Variants in MPPED1 observed in about 807,000 individuals in gnomAD.
MPPED1 encodes metallophosphoesterase domain-containing protein 1.
MPPED1 carries 16 observed loss-of-function variants against 36.2 expected under a neutral mutation model. The observed-to-expected ratio is 0.44, with a 90% CI of 0.30 to 0.67. The LOEUF (loss-of-function observed/expected upper bound fraction) is 0.67. Among genes scored for constraint, MPPED1 ranks in the 30% least tolerant of loss-of-function variants. MPPED1 has a pLI of 0.10. For missense variants in MPPED1, 307 were observed against 453.4 expected, an observed-to-expected ratio of 0.68 and a Z score of 2.93; for synonymous variants, 199 against 191.3, an observed-to-expected ratio of 1.04 and a Z score of -0.33.
chr22:43,460,612 T>A (rs1930924764), intron 3 of MPPED1, among the ~76,000 whole-genome samples: 1 of 152,176 alleles, frequency 6.6e-6, no homozygotes, highest in Non-Finnish European at 1.5e-5. Flanking sequence ...GTGTTTGTAT[T>A]CTCTGTCATG....
Position 43,505,709 on chromosome 22 carries a change from C to G in MPPED1, c.*93C>G. On this transcript the variant is annotated 3_prime_UTR_variant, in exon 7 of 7. Transcript: ENST00000443721. Reference sequence around the variant, plus strand: ...TTCCATGCTGAGTTGCCTGGACGACCCATCTGGCTGCGGGGACTGGCCTAG... The same window carrying G: ...TTCCATGCTGAGTTGCCTGGACGACGCATCTGGCTGCGGGGACTGGCCTAG... The G allele has an allele frequency of 8.5e-7, 1 of 1,171,316 alleles. No individual in the cohort carries two copies. The highest frequency in any genetic ancestry group is 1.5e-5 in the African/African-American group (1 of 66,140). 72.6% of individuals were successfully genotyped at this position (1,171,316 alleles called of 1,614,324 possible). A position where few individuals can be genotyped will look rare whatever the true frequency, so the allele number is the denominator to read the frequency against.
intron 2 of MPPED1, among the ~76,000 whole-genome samples, chr22:43,426,626 C>T (rs997746746): frequency 9.9e-5 from 15 of 152,128 alleles, no homozygotes; most frequent in Admixed American, 2.0e-4. Context: ...TGTGAGGGCG[C>T]GACCTCCCGT....
chr22:43,441,694 G>T (rs1930154577), intron 3 of MPPED1, among the ~76,000 whole-genome samples: 2 of 152,108 alleles, frequency 1.3e-5, no homozygotes, highest in South Asian at 4.1e-4. Context: ...ATATAAAAGG[G>T]GTCCAAGGAT....
chr22:43,445,558 CTTTTTTT>C (rs135055), intron 3 of MPPED1, among the ~76,000 whole-genome samples: 17 of 123,902 alleles, frequency 1.4e-4, no homozygotes, highest in African/African-American at 5.4e-4. Flanking sequence ...CTGATGTTTC[CTTTTTTT>C]TTTTTTTTTT....
chr22:43,419,680 G>A (rs771915644), intron 1 of MPPED1, among the ~76,000 whole-genome samples: 2 of 151,756 alleles, frequency 1.3e-5, no homozygotes, highest in Non-Finnish European at 2.9e-5. Flanking sequence ...CGGGAGGCCG[G>A]TGTGGTGTGA....
At chr22:43,426,680 G>C (rs1219964991) in intron 2 of MPPED1, among the ~76,000 whole-genome samples, 6 of 152,242 alleles carry the variant, frequency 3.9e-5, no homozygotes, top group Non-Finnish European at 7.3e-5. Flanking sequence ...TGTGGGGAGA[G>C]GGAGCTGCAG....
intron 5 of MPPED1, among the ~76,000 whole-genome samples, chr22:43,500,401 T>TGGTG (rs1469962007): frequency 1.3e-4 from 19 of 145,392 alleles, no homozygotes; most frequent in Admixed American, 4.1e-4. Flanking sequence ...ATGGAGGTGG[T>TGGTG]AGTGGTGGTG....
At chr22:43,430,732 C>T (rs1187292354) in intron 2 of MPPED1, among the ~76,000 whole-genome samples, 3 of 151,984 alleles carry the variant, frequency 2.0e-5, no homozygotes, top group Non-Finnish European at 2.9e-5. Flanking sequence ...AACCATTTTG[C>T]ACTTTTTTTT....
In MPPED1 at chr22:43,474,594, C is replaced by G. The variant is rs756284498; in HGVS notation, c.407-142C>G. The G allele has an allele frequency of 6.6e-6, 10 of 1,517,360 alleles. No individual in the cohort carries two copies. In the East Asian group the frequency reaches 1.8e-4, roughly 27 times the overall value. 94.0% of individuals were successfully genotyped at this position (1,517,360 alleles called of 1,614,324 possible). A position where few individuals can be genotyped will look rare whatever the true frequency, so the allele number is the denominator to read the frequency against. On this transcript the variant is annotated intron_variant, in intron 3 of 6. Transcript: ENST00000443721. The surrounding 1 kb of genome is among the most constrained non-coding windows in gnomAD (Gnocchi z 5.2). ...GCAGCCTGCCCTATGAGTACAAGAT[C>G]GTGATCGCGGGCAACCACGAGCTGA...
chr22:43,460,265 C>A (rs1930907960), intron 3 of MPPED1, among the ~76,000 whole-genome samples: 1 of 123,452 alleles, frequency 8.1e-6, no homozygotes, highest in Admixed American at 8.6e-5. Context: ...AAACCCAAAC[C>A]CCCCCCCCCA....
intron 5 of MPPED1, among the ~76,000 whole-genome samples, chr22:43,499,265 G>A (rs1404660311): frequency 6.8e-6 from 1 of 147,448 alleles, no homozygotes; most frequent in Admixed American, 6.8e-5. Context: ...TGGAGGTGGT[G>A]GTGATGGTGA....
At position 43,435,030 on chromosome 22, in the gene MPPED1, G is replaced by T. The variant is rs981893215; in HGVS notation, c.225-4G>T. The T allele has an allele frequency of 6.2e-6, 10 of 1,613,062 alleles. No individual in the cohort carries two copies. The East Asian group carries it at 6.7e-5, about 11-fold the overall frequency. ...CTGATCCGCAGTGTCATCTCTCCCT[G>T]CAGGGTGGACCCGGTGCCTCACGAT... On this transcript the variant is annotated splice_region_variant and splice_polypyrimidine_tract_variant and intron_variant, in intron 2 of 6. Transcript: ENST00000443721.
chr22:43,425,321 G>A, intron 2 of MPPED1, 112 bp downstream of exon 2: 3 of 1,434,974 alleles, frequency 2.1e-6, no homozygotes, highest in Non-Finnish European at 2.8e-6. Context: ...TTGAATGTTT[G>A]TTGACTGCAA....
At chr22:43,425,309 C>T in intron 2 of MPPED1, 100 bp downstream of exon 2, 1 of 1,444,986 alleles carries the variant, frequency 6.9e-7, no homozygotes, top group Non-Finnish European at 9.1e-7. Flanking sequence ...CTGTAACAAG[C>T]ATTGAATGTT....
intron 4 of MPPED1, among the ~76,000 whole-genome samples, chr22:43,488,592 T>C (rs1209983607): frequency 6.6e-6 from 1 of 152,258 alleles, no homozygotes; most frequent in Non-Finnish European, 1.5e-5. Flanking sequence ...GGTTAACCTC[T>C]GAGAGATTAC....
At chr22:43,430,724 C>A (rs1929645996) in intron 2 of MPPED1, among the ~76,000 whole-genome samples, 1 of 152,210 alleles carries the variant, frequency 6.6e-6, no homozygotes, top group Admixed American at 6.5e-5. Flanking sequence ...TGAGAAAGAA[C>A]CATTTTGCAC....
At chr22:43,497,924 T>G in intron 4 of MPPED1, among the ~76,000 whole-genome samples, 1 of 82,104 alleles carries the variant, frequency 1.2e-5, no homozygotes, top group Admixed American at 1.2e-4. Context: ...AGCTGATATA[T>G]ATATGTATAT....
chr22:43,482,310 T>TGAGA (rs1376679352), intron 4 of MPPED1, among the ~76,000 whole-genome samples: 1 of 152,218 alleles, frequency 6.6e-6, no homozygotes, highest in African/African-American at 2.4e-5. Context: ...CCAAACCTGC[T>TGAGA]GAGACATTAA....
chr22:43,477,498 C>G (rs1467626347), intron 4 of MPPED1, among the ~76,000 whole-genome samples: 1 of 152,228 alleles, frequency 6.6e-6, no homozygotes, highest in Non-Finnish European at 1.5e-5. Context: ...GTCCCTGCCA[C>G]CATGCCCCAG....
Sources: allele counts gnomAD v4.1 joint callset (sites outside exome capture counted in the v4.1 genomes callset), GRCh38; gene constraint gnomAD v4.1.1; non-coding constraint Gnocchi (gnomAD v3.1); transcripts MANE v1.5; gene names NCBI Gene and HGNC (gene_info 2026-07-23, HGNC 2026-07-21).